DNAJB4: variants seen among roughly 807,000 people sequenced by gnomAD.
DNAJB4 encodes dnaJ homolog subfamily B member 4.
A neutral mutation model predicts 26.6 loss-of-function variants in DNAJB4; 10 were observed. The observed-to-expected ratio is 0.38, with a 90% CI of 0.23 to 0.64. DNAJB4 has a LOEUF of 0.64. DNAJB4 is among the 30% of genes least tolerant of loss of function. The pLI, the probability that DNAJB4 is intolerant of heterozygous loss-of-function variation, is 0.58. For missense variants in DNAJB4, 328 were observed against 408.2 expected (o/e 0.80, Z 1.69); for synonymous variants, 136 against 134.8 (o/e 1.01, Z -0.06).
intron 1 of DNAJB4, among the ~76,000 whole-genome samples, chr1:77,981,952 T>C (rs1308411865): frequency 6.6e-6 from 1 of 152,206 alleles, no homozygotes; most frequent in African/African-American, 2.4e-5. Flanking sequence ...TATTAATTTT[T>C]AGAGAAAAAT....
intron 1 of DNAJB4, among the ~76,000 whole-genome samples, chr1:77,985,627 A>G (rs184873807): frequency 1.4e-4 from 22 of 152,324 alleles, no homozygotes; most frequent in Non-Finnish European, 3.1e-4. Context: ...TATTACCTTT[A>G]GATTCTTAAC....
intron 1 of DNAJB4, among the ~76,000 whole-genome samples, chr1:77,982,787 G>T (rs1360740429): frequency 6.6e-6 from 1 of 152,092 alleles, no homozygotes; most frequent in Admixed American, 6.5e-5. Context: ...GACACAGCGA[G>T]ATTCTGTCTC....
chr1:77,980,339 A>ATGTGTGTGTG (rs201096933), intron 1 of DNAJB4: 1 of 126,072 alleles, frequency 7.9e-6, no homozygotes, highest in Non-Finnish European at 1.6e-5. Context: ...ATATATATAT[A>ATGTGTGTGTG]TGTGTGTGTG....
chr1:77,985,975 T>G (rs1311979162), intron 1 of DNAJB4, among the ~76,000 whole-genome samples: 1 of 152,180 alleles, frequency 6.6e-6, no homozygotes, highest in East Asian at 1.9e-4. Context: ...TGTATCAGTC[T>G]AACCAATAAT....
At chr1:78,004,250 C>T (rs1177697562), upstream of DNAJB4, 2 of 152,160 alleles carry the variant, frequency 1.3e-5, no homozygotes, top group African/African-American at 2.4e-5. Context: ...TAACTAAGTT[C>T]AGATACTAAA....
At chr1:77,988,910 T>A (rs1659866212) in intron 1 of DNAJB4, among the ~76,000 whole-genome samples, 1 of 152,164 alleles carries the variant, frequency 6.6e-6, no homozygotes, top group Non-Finnish European at 1.5e-5. Flanking sequence ...TAATAAAAAT[T>A]TGTGAGTAAA....
upstream of DNAJB4, among the ~76,000 whole-genome samples, chr1:78,001,074 C>G (rs1165091347): frequency 1.3e-5 from 2 of 151,954 alleles, no homozygotes. Flanking sequence ...ACCAAGCACC[C>G]TGGTTTATGC....
chr1:78,004,129 C>T (rs1051945394), upstream of DNAJB4, among the ~76,000 whole-genome samples: 1 of 152,130 alleles, frequency 6.6e-6, no homozygotes, highest in Non-Finnish European at 1.5e-5. Context: ...ATACTTTGTT[C>T]TAGCTTTCCT....
chr1:78,005,432 A>AAC, intron 1 of DNAJB4, 111 bp downstream of exon 1: 2 of 913,534 alleles, frequency 2.2e-6, no homozygotes, highest in Non-Finnish European at 3.2e-6. Context: ...GGTTATCCTT[A>AAC]AATTGGATTC....
Position 78,008,664 on chromosome 1 carries a change from T to C in DNAJB4, c.211+3343T>C, listed in dbSNP as rs190628374. On this transcript the variant is annotated intron_variant, in intron 1 of 2. Transcript: ENST00000370763. ...ATGTTCTATAACTGGATTGTGATGA[T>C]GGTTATACAGCTCTATCAATTTACT... is the stretch of plus-strand genomic sequence containing the variant. Among the ~76,000 whole-genome samples, 944 of 152,308 alleles carry C rather than the reference T, an allele frequency of 6.2e-3. 11 individuals are homozygous for C. The highest frequency in any genetic ancestry group is 0.021 in the African/African-American group (888 of 41,578).
intron 1 of DNAJB4, 127 bp from the exon 2 acceptor site, chr1:78,012,924 G>T: frequency 1.5e-6 from 1 of 680,924 alleles, no homozygotes. Context: ...TAGTAAAGTG[G>T]CATTTCTGGC....
intron 1 of DNAJB4, among the ~76,000 whole-genome samples, chr1:77,982,934 C>G (rs1571419134): frequency 6.6e-6 from 1 of 152,196 alleles, no homozygotes; most frequent in African/African-American, 2.4e-5. Context: ...GTGGGTGTTT[C>G]TCGTAAGGTG....
At chr1:78,014,137 T>TG (rs1660570876) in intron 2 of DNAJB4, among the ~76,000 whole-genome samples, 1 of 152,064 alleles carries the variant, frequency 6.6e-6, no homozygotes, top group African/African-American at 2.4e-5. Flanking sequence ...CTTTTTTTTT[T>TG]TTGAGACAGA....
upstream of DNAJB4, among the ~76,000 whole-genome samples, chr1:78,004,191 G>A (rs1483984169): frequency 2.0e-5 from 3 of 152,118 alleles, no homozygotes; most frequent in Non-Finnish European, 4.4e-5. Context: ...TGCAGGGGAC[G>A]GGGGTTGAGG....
chr1:77,979,203 A>G, upstream of DNAJB4: 3 of 578,446 alleles, frequency 5.2e-6, no homozygotes, highest in South Asian at 4.5e-5. Flanking sequence ...GCTGAGAAAG[A>G]ACGACAGGAA....
intron 1 of DNAJB4, among the ~76,000 whole-genome samples, chr1:78,009,928 A>C (rs1378374255): frequency 6.6e-6 from 1 of 151,884 alleles, no homozygotes; most frequent in African/African-American, 2.4e-5. Flanking sequence ...CCAGCCTAGG[A>C]TTTTTTTCAT....
At chr1:77,987,798 A>G (rs531581901) in intron 1 of DNAJB4, among the ~76,000 whole-genome samples, 75 of 151,914 alleles carry the variant, frequency 4.9e-4, no homozygotes, top group African/African-American at 1.7e-3. Context: ...CATGGTCCAA[A>G]CCACCTGAAT....
chr1:78,012,969 A>G, intron 1 of DNAJB4, 82 bp from the exon 2 acceptor site: 1 of 1,301,030 alleles, frequency 7.7e-7, no homozygotes. Flanking sequence ...GTTAGCCAAA[A>G]TTTATTAGCA....
At position 78,013,520 on chromosome 1, in the gene DNAJB4, T is replaced by C; in HGVS notation, c.681T>C (p.Ile227=). 1 of 1,613,852 alleles carries C rather than the reference T, an allele frequency of 6.2e-7. No homozygotes were observed. Among genetic ancestry groups the C allele is most frequent in the Non-Finnish European group, 8.5e-7 (1 of 1,180,000 alleles). ...PREGDETPNS[I]PADIVFIIKD... ...AAGGAGATGAAACACCAAATAGTAT[T>C]CCAGCAGACATTGTTTTTATCATTA... The change falls in exon 2 of 3, where the codon ATT becomes ATC. Residue 227 remains isoleucine (I), a synonymous_variant. Coordinates refer to ENST00000370763, the MANE Select transcript of DNAJB4 (RefSeq NM_007034.5).
Sources: allele counts gnomAD v4.1 joint callset (sites outside exome capture counted in the v4.1 genomes callset), GRCh38; gene constraint gnomAD v4.1.1; transcripts MANE v1.5; gene names NCBI Gene and HGNC (gene_info 2026-07-23, HGNC 2026-07-21).